Variants in B4GALNT2 observed in about 807,000 individuals in gnomAD.
The protein encoded by B4GALNT2 is N-acetylneuraminylgalactosylglucosyl-glucoside beta-1,4-N- acetylgalactosaminyltransferase 2.
Under a neutral mutation model 51.1 loss-of-function variants are expected in B4GALNT2, and 42 were observed. That is an observed-to-expected ratio of 0.82 (90% CI 0.64 to 1.06). B4GALNT2 has a LOEUF of 1.06. B4GALNT2 is among the 50% of genes least tolerant of loss of function. The pLI is 0.00. For missense variants in B4GALNT2, 602 were observed against 633.6 expected (o/e 0.95, Z 0.54); for synonymous variants, 253 against 251.7 (o/e 1.01, Z -0.05).
In B4GALNT2 at chr17:49,152,878, G is replaced by T; in HGVS notation, c.432G>T (p.Val144=). The part of the protein sequence containing the change: ...PFGYPVHGVE[V]MPLHTVPIPG... ...GGTACCCAGTCCACGGAGTGGAGGT[G>T]ATGCCCCTGCACACGGTTCCCATCC... The change falls in exon 4 of 11, where the codon GTG becomes GTT. Residue 144 remains valine (V), a synonymous_variant. Coordinates refer to ENST00000393354, the MANE Select transcript of B4GALNT2 (RefSeq NM_001159387.2). 1 of 1,611,184 alleles carries T rather than the reference G, an allele frequency of 6.2e-7. No individual in the cohort carries two copies. Among genetic ancestry groups the T allele is most frequent in the Non-Finnish European group, 8.5e-7 (1 of 1,178,596 alleles).
chr17:49,132,714 C>A (rs1567852181), upstream of B4GALNT2: 2 of 1,356,386 alleles, frequency 1.5e-6, no homozygotes, highest in Non-Finnish European at 9.5e-7. Flanking sequence ...TTGCCCGGGT[C>A]GGTGCCAGGG....
intron 1 of B4GALNT2, among the ~76,000 whole-genome samples, chr17:49,139,586 A>C (rs2042621603): frequency 1.3e-5 from 2 of 152,166 alleles, no homozygotes; most frequent in Non-Finnish European, 2.9e-5. Flanking sequence ...GTGCGATCAT[A>C]GCTCACTACA....
chr17:49,163,497 C>A (rs1444811422), intron 7 of B4GALNT2, among the ~76,000 whole-genome samples: 3 of 151,776 alleles, frequency 2.0e-5, no homozygotes. Context: ...GGCTCATGCC[C>A]ATAATCCCAG....
At chr17:49,136,766 C>T (rs566691539) in intron 1 of B4GALNT2, among the ~76,000 whole-genome samples, 13 of 152,060 alleles carry the variant, frequency 8.5e-5, no homozygotes, top group African/African-American at 2.7e-4. Context: ...AGGCTGGTCT[C>T]GAATTCCTGA....
At chr17:49,145,641 G>T (rs2042687959) in intron 3 of B4GALNT2, among the ~76,000 whole-genome samples, 2 of 152,112 alleles carry the variant, frequency 1.3e-5, no homozygotes, top group African/African-American at 4.8e-5. Context: ...TTCCTGAAGG[G>T]TCTGGGTCAT....
chr17:49,122,686 AC>A, the B4GALNT2 span, among the ~76,000 whole-genome samples: 1 of 152,222 alleles, frequency 6.6e-6, no homozygotes, highest in Non-Finnish European at 1.5e-5. Flanking sequence ...TGAGATAGAA[AC>A]AACATTCCTT....
intron 1 of B4GALNT2, chr17:49,133,308 A>G (rs2042558523): frequency 2.2e-6 from 3 of 1,390,252 alleles, no homozygotes; most frequent in Admixed American, 7.8e-5. Flanking sequence ...GCGCGGAGTC[A>G]GGGAAAAGTC....
At position 49,171,941 on chromosome 17, in the gene B4GALNT2, T is replaced by C. The variant is rs191890832; in HGVS notation, c.*2213T>C. On this transcript the variant is annotated 3_prime_UTR_variant, in exon 11 of 11. Coordinates refer to ENST00000393354, the MANE Select transcript of B4GALNT2 (RefSeq NM_001159387.2). ...AGAGCAGAAAGCATGTGTAACTGTG[T>C]CACACAGTGATTACATCCAGGCATT... 602 of 291,700 alleles carry C rather than the reference T, an allele frequency of 2.1e-3. 2 individuals are homozygous for C. The highest frequency in any genetic ancestry group is 3.7e-3 in the Middle Eastern group (3 of 818). 18.1% of individuals were successfully genotyped at this position (291,700 alleles called of 1,614,324 possible).
intron 1 of B4GALNT2, 49 bp from the exon 2 acceptor site, chr17:49,141,198 A>C: frequency 6.5e-7 from 1 of 1,546,648 alleles, no homozygotes; most frequent in Non-Finnish European, 8.9e-7. Flanking sequence ...TACATTACAT[A>C]ATCAAGAAAA....
intron 4 of B4GALNT2, among the ~76,000 whole-genome samples, chr17:49,155,580 C>T (rs911969101): frequency 9.5e-5 from 14 of 146,922 alleles, no homozygotes; most frequent in East Asian, 2.0e-4. Context: ...CCAGCCTGAG[C>T]GACAGAGTGA....
intron 6 of B4GALNT2, among the ~76,000 whole-genome samples, chr17:49,160,157 C>T (rs1310007588): frequency 6.6e-6 from 1 of 152,118 alleles, no homozygotes; most frequent in Non-Finnish European, 1.5e-5. Context: ...GATAGTTCTC[C>T]CTACCTTCAG....
the B4GALNT2 span, among the ~76,000 whole-genome samples, chr17:49,122,210 A>T: frequency 6.6e-6 from 1 of 152,224 alleles, no homozygotes; most frequent in African/African-American, 2.4e-5. Flanking sequence ...CTTAGCCATT[A>T]GGCTGATGCC....
rs1295186000 is a variant in B4GALNT2, at chr17:49,175,884, G to T, written c.*6156G>T. On this transcript the variant is annotated 3_prime_UTR_variant, in exon 11 of 11. Transcript: ENST00000393354. ...TCTTTTTCTTCAAAATAATGAGGGGGTGAAGAAGAGTAGGGACAAACCTCT... is the reference window on the plus strand; with the variant it reads ...TCTTTTTCTTCAAAATAATGAGGGGTTGAAGAAGAGTAGGGACAAACCTCT... The T allele has an allele frequency of 6.6e-6, 1 of 152,192 alleles. No homozygotes were observed. The highest frequency in any genetic ancestry group is 1.5e-5 in the Non-Finnish European group (1 of 68,050). 9.4% of individuals were successfully genotyped at this position (152,192 alleles called of 1,614,324 possible).
Position 49,168,910 on chromosome 17 carries a change from C to T in B4GALNT2, c.1315+10C>T, listed in dbSNP as rs200685839. On this transcript the variant is annotated intron_variant, in intron 10 of 10. Coordinates refer to ENST00000393354, the MANE Select transcript of B4GALNT2 (RefSeq NM_001159387.2). ...CGAGTGGCTCACTCAGGTGGGAAGG[C>T]TGAAAGAGTGAGGGAGGGAGCTGGG... is the stretch of plus-strand genomic sequence containing the variant. The T allele has an allele frequency of 1.2e-4, 190 of 1,609,376 alleles. 1 individual carries two copies. The East Asian group carries it at 4.2e-3, about 36-fold the overall frequency.
rs777064831 is a variant in B4GALNT2, at chr17:49,166,156, A to G, written c.997A>G (p.Thr333Ala). ...GRNLAISQVT[T>A]KYVLWVDDDF... The stretch of plus-strand genomic sequence containing the variant: ...GAACCTGGCCATATCTCAGGTCACC[A>G]CCAAATACGTTCTCTGGGTGGACGA... The change falls in exon 9 of 11, where the codon ACC becomes GCC. Residue 333 changes from threonine to alanine, a missense_variant. By Grantham distance (58) the Thr-to-Ala change is moderately conservative. Coordinates refer to ENST00000393354, the MANE Select transcript of B4GALNT2 (RefSeq NM_001159387.2). 1 of 1,614,024 alleles carries G rather than the reference A, an allele frequency of 6.2e-7. No individual in the cohort carries two copies. Among genetic ancestry groups the G allele is most frequent in the Non-Finnish European group, 8.5e-7 (1 of 1,179,942 alleles).
chr17:49,160,387 C>A (rs961894918), intron 6 of B4GALNT2, among the ~76,000 whole-genome samples, 168 bp from the exon 7 acceptor site: 4 of 152,146 alleles, frequency 2.6e-5, no homozygotes, highest in Admixed American at 6.6e-5. Context: ...AGGGACACAG[C>A]AAGGCAGAAG....
chr17:49,156,735 T>C, intron 5 of B4GALNT2, 132 bp downstream of exon 5: 2 of 1,020,958 alleles, frequency 2.0e-6, no homozygotes, highest in Non-Finnish European at 2.9e-6. Context: ...AGGGAGGGGA[T>C]GGAAGGGTGT....
At chr17:49,162,635 T>C (rs2042874971) in intron 7 of B4GALNT2, among the ~76,000 whole-genome samples, 1 of 152,006 alleles carries the variant, frequency 6.6e-6, no homozygotes, top group Non-Finnish European at 1.5e-5. Flanking sequence ...TGGGCTGGGC[T>C]CAGTGGCTCA....
intron 4 of B4GALNT2, among the ~76,000 whole-genome samples, chr17:49,155,879 T>A (rs1045027126): frequency 1.3e-5 from 2 of 151,582 alleles, no homozygotes; most frequent in Non-Finnish European, 2.9e-5. Context: ...CCCGCCACCA[T>A]GCCCGGCCAA....
Sources: gnomAD v4.1 joint callset for allele counts (sites outside exome capture counted in the v4.1 genomes callset) on GRCh38, gnomAD v4.1.1 for gene constraint, MANE v1.5 for transcripts, NCBI Gene and HGNC (gene_info 2026-07-23, HGNC 2026-07-21) for gene names.